METTL21A: variants seen among roughly 807,000 people sequenced by gnomAD.
METTL21A encodes the protein methyltransferase 21A, HSPA lysine.
In METTL21A, 22 loss-of-function variants were observed where a neutral mutation model predicts 20.9. The ratio of observed to expected loss-of-function variants is 1.05; its 90% CI spans 0.75 to 1.50. The LOEUF (loss-of-function observed/expected upper bound fraction) is 1.50. METTL21A is among the 40% of genes most tolerant of loss of function. The pLI is 0.00. For missense variants in METTL21A, 271 were observed against 266.8 expected (o/e 1.02, Z -0.11); for synonymous variants, 93 against 102.0 (o/e 0.91, Z 0.53).
At chr2:207,613,331 A>G (rs17520056) in exon 4 of METTL21A, 539,074 of 1,613,518 alleles carry the variant, frequency 0.33, 93,331 homozygotes, top group South Asian at 0.5. Flanking sequence ...TTTGTCCCCA[A>G]GTCAGCTCCT....
chr2:207,589,175 A>G (rs1212689371), intron 3 of METTL21A, among the ~76,000 whole-genome samples: 4 of 152,194 alleles, frequency 2.6e-5, no homozygotes, highest in African/African-American at 9.7e-5. Flanking sequence ...CTATAAGATC[A>G]GAGGCCTTCA....
At chr2:207,597,620 G>T (rs779517246) in intron 3 of METTL21A, 10 of 208,966 alleles carry the variant, frequency 4.8e-5, no homozygotes, top group Admixed American at 3.6e-4. Context: ...AATTAGAAAT[G>T]AATTTGGAGT....
intron 1 of METTL21A, 45 bp from the exon 2 acceptor site, chr2:207,624,449 C>T (rs191711528): frequency 4.0e-6 from 6 of 1,505,664 alleles, no homozygotes; most frequent in Non-Finnish European, 5.3e-6. Flanking sequence ...CCAAAAGATA[C>T]ATTATCTGTT....
chr2:207,615,453 T>A (rs2089566877), intron 3 of METTL21A, among the ~76,000 whole-genome samples: 1 of 151,900 alleles, frequency 6.6e-6, no homozygotes, highest in Admixed American at 6.6e-5. Context: ...ATCCCAGCAC[T>A]TTGGGAGGCC....
At chr2:207,584,073 A>C (rs1277576818) in intron 3 of METTL21A, among the ~76,000 whole-genome samples, 1 of 152,180 alleles carries the variant, frequency 6.6e-6, no homozygotes, top group African/African-American at 2.4e-5. Flanking sequence ...ATTCACTTTG[A>C]ATTTCATCCC....
intron 3 of METTL21A, chr2:207,603,362 A>G (rs759429428): frequency 4.5e-5 from 10 of 224,416 alleles, no homozygotes; most frequent in African/African-American, 8.9e-5. Flanking sequence ...TCTTTGTGGT[A>G]TCAACTGTCA....
intron 3 of METTL21A, among the ~76,000 whole-genome samples, chr2:207,620,305 T>G (rs913816294): frequency 4.6e-5 from 7 of 151,982 alleles, no homozygotes; most frequent in Non-Finnish European, 8.8e-5. Context: ...TAGCTGGGCG[T>G]GGTGGCACAT....
intron 3 of METTL21A, chr2:207,601,569 A>G: frequency 4.9e-6 from 1 of 203,376 alleles, no homozygotes. Flanking sequence ...TCAATTTTTA[A>G]TGAGACTTTA....
intron 3 of METTL21A, chr2:207,603,393 CATTT>C (rs1384329280): frequency 3.6e-5 from 8 of 224,108 alleles, no homozygotes; most frequent in African/African-American, 1.1e-4. Flanking sequence ...TTTACACAAA[CATTT>C]ATGTGCAGTC....
downstream of METTL21A, chr2:207,580,810 T>C (rs1359582335): frequency 1.8e-5 from 4 of 223,180 alleles, no homozygotes; most frequent in Admixed American, 1.7e-4. Flanking sequence ...TCAGTTGCTG[T>C]GGCTCTCCTT....
intron 3 of METTL21A, among the ~76,000 whole-genome samples, chr2:207,583,186 A>G (rs2083248946): frequency 1.3e-5 from 2 of 152,188 alleles, no homozygotes; most frequent in Admixed American, 1.3e-4. Context: ...ATGCAAATAT[A>G]ATGCCATTTT....
chr2:207,619,173 CT>C (rs5838081), intron 3 of METTL21A, among the ~76,000 whole-genome samples: 109,353 of 133,958 alleles, frequency 0.82, 44,588 homozygotes, highest in East Asian at 0.99. Flanking sequence ...CATAGCACCG[CT>C]TTTTTTTTTT....
At chr2:207,603,219 T>C (rs1559098261) in intron 3 of METTL21A, 1 of 217,990 alleles carries the variant, frequency 4.6e-6, no homozygotes, top group Non-Finnish European at 9.2e-6. Context: ...ATGTACTGAG[T>C]TACAATGCAT....
chr2:207,594,345 T>C (rs540994084), intron 3 of METTL21A, among the ~76,000 whole-genome samples: 8 of 152,284 alleles, frequency 5.3e-5, no homozygotes, highest in African/African-American at 1.9e-4. Context: ...TCTTGCAAAA[T>C]TGAAACTCTG....
chr2:207,624,374 A>T, exon 2 of METTL21A: 1 of 1,612,886 alleles, frequency 6.2e-7, no homozygotes, highest in Non-Finnish European at 8.5e-7. Flanking sequence ...CACGAGGGCC[A>T]TTCCGCCTGC....
rs564706544 is a variant in METTL21A at position 207,593,376 on chromosome 2, ATAAAT to A, written c.260-11221_260-11217del. 2.0e-3 allele frequency among the ~76,000 whole-genome samples: 298 copies of A among 152,212 alleles called. 1 individual carries two copies. The highest frequency in any genetic ancestry group is 6.6e-3 in the African/African-American group (275 of 41,534). The stretch of plus-strand genomic sequence containing the variant: ...CACTGTCTCTACAAAAAATAATAAA[ATAAAT>A]TAGCTGGGCATGGTGGTGCATGCCT... On this transcript the variant is annotated intron_variant, in intron 3 of 3. Coordinates refer to the METTL21A transcript ENST00000425132.
intron 3 of METTL21A, among the ~76,000 whole-genome samples, chr2:207,588,365 G>C (rs192621769): frequency 1.3e-5 from 2 of 152,162 alleles, no homozygotes; most frequent in Admixed American, 1.3e-4. Context: ...GTGTGAGTCT[G>C]TTTCTTGGAT....
At chr2:207,604,540 G>T (rs866948648), downstream of METTL21A, among the ~76,000 whole-genome samples, 1 of 152,136 alleles carries the variant, frequency 6.6e-6, no homozygotes, top group Non-Finnish European at 1.5e-5. Flanking sequence ...ACACGGGCCT[G>T]ACATCAAATG....
At chr2:207,607,303 C>T (rs548178939), downstream of METTL21A, among the ~76,000 whole-genome samples, 125 of 152,108 alleles carry the variant, frequency 8.2e-4, no homozygotes, top group Non-Finnish European at 1.3e-3. Context: ...ACAGAAGAAT[C>T]GCCTGAACCC....
Sources: allele counts gnomAD v4.1 joint callset (sites outside exome capture counted in the v4.1 genomes callset), GRCh38; gene constraint gnomAD v4.1.1; transcripts MANE v1.5; gene names NCBI Gene and HGNC (gene_info 2026-07-23, HGNC 2026-07-21).